The following IFT74 variants were observed in gnomAD, a reference collection of about 807,000 sequenced individuals.
The protein encoded by IFT74 is intraflagellar transport protein 74 homolog.
IFT74 carries 92 observed loss-of-function variants against 96.7 expected under a neutral mutation model. The ratio of observed to expected loss-of-function variants is 0.95; its 90% CI spans 0.80 to 1.13. The LOEUF is 1.13. Ranked by LOEUF, IFT74 falls within the 50% of genes most tolerant of loss-of-function variation. IFT74 has a pLI of 0.00. For synonymous variants in IFT74, 223 were observed against 213.2 expected (o/e 1.05, Z -0.40); for missense variants, 811 against 698.2 (o/e 1.16, Z -1.82).
chr9:26,995,015 G>A (rs1465669166), intron 8 of IFT74: 5 of 152,308 alleles, frequency 3.3e-5, no homozygotes, highest in Admixed American at 6.5e-5. Context: ...ATTTCAGGAA[G>A]CATTTCAAAA....
At chr9:26,963,537 G>A (rs1205748786) in intron 2 of IFT74, among the ~76,000 whole-genome samples, 1 of 150,782 alleles carries the variant, frequency 6.6e-6, no homozygotes, top group Non-Finnish European at 1.5e-5. Flanking sequence ...TCGCCACACT[G>A]ACTTCCACAA....
At chr9:27,015,601 C>G (rs1298434245) in intron 10 of IFT74, among the ~76,000 whole-genome samples, 1 of 152,100 alleles carries the variant, frequency 6.6e-6, no homozygotes, top group African/African-American at 2.4e-5. Context: ...CGCACCACTG[C>G]ACTCCAGCCT....
At chr9:26,963,475 G>T (rs1202522504) in intron 2 of IFT74, among the ~76,000 whole-genome samples, 2 of 150,526 alleles carry the variant, frequency 1.3e-5, no homozygotes, top group African/African-American at 2.5e-5. Flanking sequence ...TATATACCCA[G>T]TAATGGGATG....
At chr9:27,060,757 G>A (rs1486487613) in intron 19 of IFT74, 106 bp downstream of exon 19, 2 of 649,958 alleles carry the variant, frequency 3.1e-6, no homozygotes, top group South Asian at 2.4e-5. Context: ...AGGAGATTGA[G>A]ACCACCCTGG....
chr9:27,020,620 G>A (rs1392321269), intron 12 of IFT74, among the ~76,000 whole-genome samples: 3 of 151,620 alleles, frequency 2.0e-5, no homozygotes, highest in African/African-American at 4.8e-5. Context: ...GACTACAGGC[G>A]CCCGCCACTG....
At chr9:27,006,644 G>C (rs1587338772) in intron 8 of IFT74, among the ~76,000 whole-genome samples, 1 of 143,484 alleles carries the variant, frequency 7.0e-6, no homozygotes, top group African/African-American at 2.6e-5. Context: ...AGAGAGAAGA[G>C]AAGAGAGAGG....
chr9:27,049,070 C>G (rs1171847627), intron 16 of IFT74, among the ~76,000 whole-genome samples: 1 of 152,098 alleles, frequency 6.6e-6, no homozygotes, highest in Admixed American at 6.5e-5. Flanking sequence ...CTGGTACCTC[C>G]TCCTTCTCTC....
chr9:26,953,425 C>T (rs573432893), upstream of IFT74, among the ~76,000 whole-genome samples: 106 of 152,224 alleles, frequency 7.0e-4, no homozygotes, highest in Non-Finnish European at 1.0e-3. Flanking sequence ...CAGCATATGT[C>T]ATTTATATGT....
intron 2 of IFT74, among the ~76,000 whole-genome samples, chr9:26,966,795 A>G (rs1225798656): frequency 1.3e-5 from 2 of 151,906 alleles, no homozygotes; most frequent in Non-Finnish European, 2.9e-5. Context: ...TAGTAGTTTC[A>G]TAGTTTGAGG....
Position 27,009,301 on chromosome 9 carries a change from T to G in IFT74, c.726+143T>G, listed in dbSNP as rs1278969713. The G allele has an allele frequency of 1.8e-5, 11 of 603,264 alleles. No homozygotes were observed. The African/African-American group carries it at 1.8e-4, about 10-fold the overall frequency. The allele number at this position is 603,264 out of a possible 1,614,324, so 37.4% of individuals were successfully genotyped here. A position where few individuals can be genotyped will look rare whatever the true frequency, so the allele number is the denominator to read the frequency against. ...TCATTTTAACAAGGTCCCCATCTGA[T>G]TCATACGTATATTCACATTTCAGAA... is the stretch of plus-strand genomic sequence containing the variant. On this transcript the variant is annotated intron_variant, in intron 9 of 19. Transcript: ENST00000380062.
At chr9:27,018,626 T>C in intron 11 of IFT74, 21 bp from the exon 12 acceptor site, 2 of 1,415,976 alleles carry the variant, frequency 1.4e-6, no homozygotes, top group Non-Finnish European at 2.0e-6. Flanking sequence ...TAAATACTAC[T>C]TTCTTTTTAT....
intron 10 of IFT74, among the ~76,000 whole-genome samples, chr9:27,012,183 A>G (rs1319279603): frequency 6.6e-6 from 1 of 152,200 alleles, no homozygotes; most frequent in Non-Finnish European, 1.5e-5. Flanking sequence ...AAAACAAATC[A>G]TTCCGCCCTA....
chr9:27,006,723 GGA>G (rs750305491), intron 8 of IFT74, among the ~76,000 whole-genome samples: 10 of 149,912 alleles, frequency 6.7e-5, no homozygotes, highest in African/African-American at 9.8e-5. Context: ...AGGAAGGAAA[GGA>G]GAGAGAGAGA....
intron 1 of IFT74, among the ~76,000 whole-genome samples, chr9:26,949,274 GTAT>G (rs1291597111): frequency 6.6e-6 from 1 of 152,186 alleles, no homozygotes; most frequent in African/African-American, 2.4e-5. Context: ...AAGGTAGATA[GTAT>G]TATTCCCATT....
Position 27,060,534 on chromosome 9 carries a change from G to C in IFT74, c.1624-57G>C, listed in dbSNP as rs1820367853. 4.6e-6 allele frequency: 5 copies of C among 1,095,250 alleles called. No homozygotes were observed. The South Asian group carries it at 6.3e-5, about 14-fold the overall frequency. 67.8% of individuals were successfully genotyped at this position (1,095,250 alleles called of 1,614,324 possible). On this transcript the variant is annotated intron_variant, in intron 18 of 19. Transcript: ENST00000380062. ...TTTTTTTGTCTTATCCTCTTAGAAA[G>C]GCATTTAATTGTTTTAAATATGGGT...
chr9:26,976,719 G>A, intron 2 of IFT74: 1 of 454,458 alleles, frequency 2.2e-6, no homozygotes, highest in Non-Finnish European at 4.4e-6. Flanking sequence ...AGAATAAGTA[G>A]CTGAGCAGGC....
At chr9:27,017,126 A>C (rs1829384796) in intron 11 of IFT74, 76 bp downstream of exon 11, 2 of 1,213,758 alleles carry the variant, frequency 1.6e-6, no homozygotes, top group Admixed American at 4.8e-5. Flanking sequence ...TTAAAGGGAT[A>C]TTAATGCAAG....
intron 8 of IFT74, among the ~76,000 whole-genome samples, chr9:27,002,540 A>C (rs773145158): frequency 6.6e-5 from 10 of 152,214 alleles, no homozygotes; most frequent in Non-Finnish European, 1.3e-4. Flanking sequence ...CATTTATTGA[A>C]ACAACTATTA....
At chr9:27,016,628 G>A (rs1267075781) in intron 10 of IFT74, among the ~76,000 whole-genome samples, 1 of 152,174 alleles carries the variant, frequency 6.6e-6, no homozygotes, top group Non-Finnish European at 1.5e-5. Flanking sequence ...CCCATTGGTA[G>A]AGTTGTCCTA....
Sources: allele counts gnomAD v4.1 joint callset (sites outside exome capture counted in the v4.1 genomes callset), GRCh38; gene constraint gnomAD v4.1.1; transcripts MANE v1.5; gene names NCBI Gene and HGNC (gene_info 2026-07-23, HGNC 2026-07-21).